FRK: variants seen among roughly 807,000 people sequenced by gnomAD.
FRK encodes the protein fyn related Src family tyrosine kinase.
FRK carries 51 observed loss-of-function variants against 56.4 expected under a neutral mutation model. The observed-to-expected ratio is 0.90, with a 90% CI of 0.72 to 1.14. FRK has a LOEUF of 1.14. FRK is among the 50% of genes most tolerant of loss of function. FRK has a pLI of 0.00. For synonymous variants in FRK, 245 were observed against 217.9 expected (o/e 1.12, Z -1.10); for missense variants, 570 against 601.4 (o/e 0.95, Z 0.55).
chr6:116,061,944 A>C (rs1777637948), upstream of FRK, among the ~76,000 whole-genome samples: 1 of 151,074 alleles, frequency 6.6e-6, no homozygotes, highest in South Asian at 2.1e-4. Flanking sequence ...AGGAAGAAAG[A>C]AAGGAAGAAA....
At position 115,940,689 on chromosome 6, in the gene FRK, C is replaced by T. The variant is rs922781522; in HGVS notation, c.*1725G>A. ...GCGAAGGATTTGAACAGACACATTT[C>T]AAAAGAAGATATTTATGCAGCCAAC... is the stretch of plus-strand genomic sequence containing the variant. On this transcript the variant is annotated 3_prime_UTR_variant, in exon 8 of 8. Coordinates refer to ENST00000606080, the MANE Select transcript of FRK (RefSeq NM_002031.3). 1 of 152,096 alleles carries T rather than the reference C, an allele frequency of 6.6e-6. No individual in the cohort carries two copies. Among genetic ancestry groups the T allele is most frequent in the African/African-American group, 2.4e-5 (1 of 41,422 alleles). 9.4% of individuals were successfully genotyped at this position (152,096 alleles called of 1,614,324 possible). A position where few individuals can be genotyped will look rare whatever the true frequency, so the allele number is the denominator to read the frequency against.
intron 2 of FRK, among the ~76,000 whole-genome samples, chr6:115,997,464 A>G (rs1192632175): frequency 6.6e-6 from 1 of 151,764 alleles, no homozygotes; most frequent in East Asian, 1.9e-4. Flanking sequence ...GAGAATGGCT[A>G]TTTGTATGTT....
At chr6:116,064,535 AT>A (rs1777721789), upstream of FRK, among the ~76,000 whole-genome samples, 1 of 152,152 alleles carries the variant, frequency 6.6e-6, no homozygotes, top group African/African-American at 2.4e-5. Flanking sequence ...GTGAATATTC[AT>A]GATTGAGAGT....
intron 2 of FRK, among the ~76,000 whole-genome samples, chr6:115,998,887 T>C (rs1774942522): frequency 6.6e-6 from 1 of 152,210 alleles, no homozygotes; most frequent in South Asian, 2.1e-4. Flanking sequence ...TTCAATATAT[T>C]ATTGCTTGGT....
intron 4 of FRK, among the ~76,000 whole-genome samples, chr6:115,966,056 A>AT (rs1190170492): frequency 2.3e-4 from 5 of 22,084 alleles, no homozygotes; most frequent in African/African-American, 5.5e-4. Context: ...ATAATAAAAA[A>AT]AAAATTAAAA....
the FRK span, among the ~76,000 whole-genome samples, chr6:116,080,269 C>A: frequency 3.3e-5 from 5 of 152,140 alleles, no homozygotes; most frequent in Admixed American, 2.6e-4. Flanking sequence ...AATTATCCTG[C>A]CTCAACCTCC....
the FRK span, among the ~76,000 whole-genome samples, chr6:116,092,679 G>T: frequency 6.6e-6 from 1 of 152,192 alleles, no homozygotes; most frequent in Admixed American, 6.5e-5. Flanking sequence ...TCCAGGGACC[G>T]TTGTGGGTTC....
Position 115,931,377 on chromosome 6 carries a change from A to T in FRK, c.*11037T>A, listed in dbSNP as rs1771955344. On this transcript the variant is annotated 3_prime_UTR_variant, in exon 8 of 8. Transcript: ENST00000606080. ...AAATGTTTAAAAATTGTAAGTAGTT[A>T]CATTTGAATCTGGGTAAATAATAGC... is the stretch of plus-strand genomic sequence containing the variant. 6.6e-6 allele frequency: 1 copy of T among 152,232 alleles called. No homozygotes were observed. The highest frequency in any genetic ancestry group is 2.4e-5 in the African/African-American group (1 of 41,464). 9.4% of individuals were successfully genotyped at this position (152,232 alleles called of 1,614,324 possible). A position where few individuals can be genotyped will look rare whatever the true frequency, so the allele number is the denominator to read the frequency against.
intron 2 of FRK, among the ~76,000 whole-genome samples, chr6:115,993,825 A>G (rs1774714997): frequency 6.6e-6 from 1 of 152,046 alleles, no homozygotes; most frequent in African/African-American, 2.4e-5. Flanking sequence ...CCCAAAGAGC[A>G]TCTCAAGTAT....
chr6:115,968,772 T>C (rs372048261), intron 2 of FRK, 33 bp from the exon 3 acceptor site: 49 of 1,596,516 alleles, frequency 3.1e-5, no homozygotes, highest in Non-Finnish European at 3.5e-5. Flanking sequence ...TTAATAAACT[T>C]CTTGCTAAAA....
intron 1 of FRK, among the ~76,000 whole-genome samples, chr6:116,044,179 CT>C (rs1582751134): frequency 6.6e-6 from 1 of 152,202 alleles, no homozygotes; most frequent in African/African-American, 2.4e-5. Context: ...GGTACCATTC[CT>C]TCTGAAACTA....
At chr6:116,024,880 C>T (rs1208675128) in intron 1 of FRK, among the ~76,000 whole-genome samples, 6 of 152,108 alleles carry the variant, frequency 3.9e-5, no homozygotes, top group Admixed American at 2.6e-4. Context: ...ACAGTCCCAC[C>T]AACAGTATAA....
chr6:115,991,133 T>C (rs1323356022), intron 2 of FRK, among the ~76,000 whole-genome samples: 1 of 151,890 alleles, frequency 6.6e-6, no homozygotes, highest in African/African-American at 2.4e-5. Flanking sequence ...ATCTGGAAAC[T>C]TTACTGAAGT....
rs890390357 is a variant in FRK at position 115,931,570 on chromosome 6, A to G, written c.*10844T>C. On this transcript the variant is annotated 3_prime_UTR_variant, in exon 8 of 8. Transcript: ENST00000606080. ...AGAAAAATCTCACTGTGGTAGCTTT[A>G]AAGTATACAAATCTGGCTAATTGAT... 1 of 152,176 alleles carries G rather than the reference A, an allele frequency of 6.6e-6. No individual in the cohort carries two copies. The highest frequency in any genetic ancestry group is 2.4e-5 in the African/African-American group (1 of 41,454). 9.4% of individuals were successfully genotyped at this position (152,176 alleles called of 1,614,324 possible).
chr6:115,966,514 G>GT (rs1214014248), intron 4 of FRK, among the ~76,000 whole-genome samples: 1 of 152,146 alleles, frequency 6.6e-6, no homozygotes, highest in Non-Finnish European at 1.5e-5. Context: ...CACAGTTTGG[G>GT]AACCATGGTG....
intron 2 of FRK, among the ~76,000 whole-genome samples, chr6:115,984,230 C>A (rs1774309600): frequency 6.6e-6 from 1 of 152,038 alleles, no homozygotes; most frequent in Non-Finnish European, 1.5e-5. Flanking sequence ...GGACTTTGAG[C>A]CCTTTGATTG....
Position 115,967,596 on chromosome 6 carries a change from G to T in FRK, c.754C>A (p.Leu252Met), listed in dbSNP as rs1773633612. Residue 252 changes from leucine to methionine, a missense_variant, in exon 4 of 8, where the codon CTG becomes ATG. Coordinates refer to ENST00000606080, the MANE Select transcript of FRK (RefSeq NM_002031.3). ...SGQFGEVWEG[L>M]WNNTTPVAVK... is the part of the protein sequence containing the mutation. ...GCTACTGGAGTGGTATTGTTCCACA[G>T]ACCTTCCCATACTTCGCCAAACTGA... 1 of 1,613,782 alleles carries T rather than the reference G, an allele frequency of 6.2e-7. No homozygotes were observed. The highest frequency in any genetic ancestry group is 1.7e-5 in the Admixed American group (1 of 59,996).
At position 115,942,018 on chromosome 6, in the gene FRK, T is replaced by C. The variant is rs580396; in HGVS notation, c.*396A>G. ...ATAACAGCCTGATGGGATTCAGCAA[T>C]CTGAGGAATAATGAATAACCACTCT... On this transcript the variant is annotated 3_prime_UTR_variant, in exon 8 of 8. Transcript: ENST00000606080. 105,015 of 171,382 alleles carry C rather than the reference T, an allele frequency of 0.61. 32,785 individuals are homozygous for C. The highest frequency in any genetic ancestry group is 0.84 in the East Asian group (4,838 of 5,764). 10.6% of individuals were successfully genotyped at this position (171,382 alleles called of 1,614,324 possible).
intron 1 of FRK, among the ~76,000 whole-genome samples, chr6:116,053,159 CA>C (rs1337890199): frequency 4.6e-5 from 7 of 151,928 alleles, no homozygotes; most frequent in Non-Finnish European, 2.9e-5. Flanking sequence ...TAGGCTAGGT[CA>C]AAAAGGGTAA....
Sources: allele counts gnomAD v4.1 joint callset (sites outside exome capture counted in the v4.1 genomes callset), GRCh38; gene constraint gnomAD v4.1.1; transcripts MANE v1.5; gene names NCBI Gene and HGNC (gene_info 2026-07-23, HGNC 2026-07-21).